DYNC1H1: variants seen among roughly 807,000 people sequenced by gnomAD.
DYNC1H1 encodes the protein cytoplasmic dynein 1 heavy chain 1.
DYNC1H1 carries 51 observed loss-of-function variants against 527.1 expected under a neutral mutation model. That is an observed-to-expected ratio of 0.10 (90% CI 0.08 to 0.12). The LOEUF (loss-of-function observed/expected upper bound fraction) is 0.12, where lower values mean the gene tolerates loss of function less well. Ranked by LOEUF, DYNC1H1 falls within the 10% of genes least tolerant of loss-of-function variation. The probability of loss-of-function intolerance (pLI) is 1.00; values close to 1 mark genes in which losing one functional copy is unlikely to be tolerated. For missense variants in DYNC1H1, 2,771 were observed against 5,971.8 expected, an observed-to-expected ratio of 0.46 and a Z score of 17.66; for synonymous variants, 2,189 against 2,278.8, an observed-to-expected ratio of 0.96 and a Z score of 1.12.
In DYNC1H1 at chr14:101,982,883, T is replaced by C. The variant is rs532816025; in HGVS notation, c.962-136T>C. On this transcript the variant is annotated intron_variant, in intron 5 of 77. Transcript: ENST00000360184. ...GGGTTATCCTGTTAATAACGTGTTG[T>C]TTTTTCAAATATGAATAGTTTTTGT... 3 of 1,116,270 alleles carry C rather than the reference T, an allele frequency of 2.7e-6. No homozygotes were observed. In the African/African-American group the frequency reaches 4.7e-5, roughly 18 times the overall value. The allele number at this position is 1,116,270 out of a possible 1,614,324, so 69.1% of individuals were successfully genotyped here. A position where few individuals can be genotyped will look rare whatever the true frequency, so the allele number is the denominator to read the frequency against.
chr14:101,997,238 C>T lies in DYNC1H1; in HGVS notation c.3768C>T (p.Asp1256=). 1 of 1,614,098 alleles carries T rather than the reference C, an allele frequency of 6.2e-7. No homozygotes were observed. Among genetic ancestry groups the T allele is most frequent in the Non-Finnish European group, 8.5e-7 (1 of 1,180,012 alleles). ...GGGCCGTGGAAAGCCGCACCACCGA[C>T]CTGCTGACTGACTGGGAGAAGACCA... The part of the protein sequence containing the change: ...EDRAVESRTT[D]LLTDWEKTKP... Residue 1256 remains aspartate, a synonymous_variant, in exon 16 of 78, where the codon GAC becomes GAT. Coordinates refer to ENST00000360184, the MANE Select transcript of DYNC1H1 (RefSeq NM_001376.5). This position sits in a 1 kb window ranked among gnomAD's most constrained non-coding sequence, Gnocchi z 4.8.
chr14:102,041,533 CA>C lies in DYNC1H1; in HGVS notation c.11942-40del, dbSNP rs779104187. On this transcript the variant is annotated intron_variant, in intron 64 of 77. Coordinates refer to ENST00000360184, the MANE Select transcript of DYNC1H1 (RefSeq NM_001376.5). This position sits in a 1 kb window ranked among gnomAD's most constrained non-coding sequence, Gnocchi z 4.5. ...AGGCAGGGGAGGGCGTCTCTGAGTCCATGCTTCCACCCAGCACCCACCCCTC... is the reference window on the plus strand; with the variant it reads ...AGGCAGGGGAGGGCGTCTCTGAGTCCTGCTTCCACCCAGCACCCACCCCTC... The C allele has an allele frequency of 3.7e-6, 6 of 1,613,138 alleles. 1 individual carries two copies. The South Asian group carries it at 5.5e-5, about 15-fold the overall frequency.
At position 102,003,013 on chromosome 14, in the gene DYNC1H1, T is replaced by C. The variant is rs752289264; in HGVS notation, c.4883+48T>C. On this transcript the variant is annotated intron_variant, in intron 23 of 77. Transcript: ENST00000360184. The stretch of plus-strand genomic sequence containing the variant: ...GCCTGGAGTCAAGTTGAATTTCAGT[T>C]GTGCATTTTTCCAGTGATCTTCTTT... 4 of 1,611,842 alleles carry C rather than the reference T, an allele frequency of 2.5e-6. No homozygotes were observed. In the Admixed American group the frequency reaches 5.0e-5, roughly 20 times the overall value.
chr14:102,000,031 T>C lies in DYNC1H1; in HGVS notation c.3847T>C (p.Tyr1283His), dbSNP rs2141285009. The part of the protein sequence containing the change: ...PEEALQALTI[Y>H]EGKFGRLKDD... ...AGAGGCACTTCAGGCTCTCACCATA[T>C]ATGAGGGGAAGTTTGGTAGGCTGAA... The change falls in exon 17 of 78, where the codon TAT becomes CAT. Residue 1283 changes from tyrosine to histidine, a missense_variant. Around this residue, in one of 32 missense-constraint regions of DYNC1H1, gnomAD observed 223 missense variants for 462.5 expected, o/e 0.48. Transcript: ENST00000360184. 6.2e-7 allele frequency: 1 copy of C among 1,614,108 alleles called. No homozygotes were observed. The highest frequency in any genetic ancestry group is 8.5e-7 in the Non-Finnish European group (1 of 1,180,032).
intron 10 of DYNC1H1, among the ~76,000 whole-genome samples, chr14:101,989,913 C>T (rs1453855454): frequency 6.6e-6 from 1 of 152,160 alleles, no homozygotes; most frequent in Non-Finnish European, 1.5e-5. Flanking sequence ...TTTACTGTAC[C>T]TTTTCTATGC....
chr14:101,997,025 ACT>A lies in DYNC1H1; in HGVS notation c.3565-6_3565-5del. 6.2e-7 allele frequency: 1 copy of A among 1,612,098 alleles called. No homozygotes were observed. Among genetic ancestry groups the A allele is most frequent in the Non-Finnish European group, 8.5e-7 (1 of 1,179,064 alleles). ...AAGAAAAAACTTGATTTATTTTTTA[ACT>A]CTCAAAGCTCTACCGCAATGGCCAG... On this transcript the variant is annotated splice_polypyrimidine_tract_variant and splice_region_variant and intron_variant, in intron 15 of 77. Coordinates refer to ENST00000360184, the MANE Select transcript of DYNC1H1 (RefSeq NM_001376.5). The surrounding 1 kb of genome is among the most constrained non-coding windows in gnomAD (Gnocchi z 4.8).
At position 102,015,550 on chromosome 14, in the gene DYNC1H1, A is replaced by C. The variant is rs2048310444; in HGVS notation, c.7242+218A>C. Among the ~76,000 whole-genome samples the C allele has an allele frequency of 2.0e-5, 3 of 152,252 alleles. No homozygotes were observed. The South Asian group carries it at 6.2e-4, about 31-fold the overall frequency. On this transcript the variant is annotated intron_variant, in intron 35 of 77. Coordinates refer to ENST00000360184, the MANE Select transcript of DYNC1H1 (RefSeq NM_001376.5). This position sits in a 1 kb window ranked among gnomAD's most constrained non-coding sequence, Gnocchi z 6.9. ...TCTGCCAGCTTAAACAAGGAAGCCC[A>C]GCTGTAGCAGCTACAAATGTTAAAA...
intron 72 of DYNC1H1, 166 bp from the exon 73 acceptor site, chr14:102,047,651 A>ATATATATATATATGTACACAC: frequency 2.0e-6 from 1 of 493,038 alleles, no homozygotes; most frequent in South Asian, 2.1e-5. Context: ...GTATATATAT[A>ATATATATATATATGTACACAC]TATATATATA....
At chr14:102,048,879 CTGAA>C (rs1054056403) in intron 74 of DYNC1H1, 32 of 678,164 alleles carry the variant, frequency 4.7e-5, no homozygotes, top group Admixed American at 8.9e-5. Flanking sequence ...TGCTGGTTCA[CTGAA>C]TGTTGACCAA....
chr14:102,040,719 G>C, intron 64 of DYNC1H1, 46 bp downstream of exon 64: 2 of 1,609,750 alleles, frequency 1.2e-6, no homozygotes, highest in Non-Finnish European at 1.7e-6. Context: ...TGTAAAGTTG[G>C]GTTTTGCTGC....
In DYNC1H1 at chr14:102,039,576, C is replaced by G; in HGVS notation, c.11595+30C>G. On this transcript the variant is annotated intron_variant, in intron 61 of 77. Coordinates refer to ENST00000360184, the MANE Select transcript of DYNC1H1 (RefSeq NM_001376.5). This position sits in a 1 kb window ranked among gnomAD's most constrained non-coding sequence, Gnocchi z 7.0. ...AGTGAGGTCCTCAGCCGCTCCCTGG[C>G]GGGGGGGAAGCAGGGTGCTGCTTCT... is the stretch of plus-strand genomic sequence containing the variant. 1 of 1,614,106 alleles carries G rather than the reference C, an allele frequency of 6.2e-7. No individual in the cohort carries two copies. Among genetic ancestry groups the G allele is most frequent in the South Asian group, 1.1e-5 (1 of 91,078 alleles).
At position 102,036,834 on chromosome 14, in the gene DYNC1H1, G is replaced by A. The variant is rs2048581154; in HGVS notation, c.10908+192G>A. 1.4e-6 allele frequency: 1 copy of A among 718,608 alleles called. No individual in the cohort carries two copies. The highest frequency in any genetic ancestry group is 2.3e-5 in the Admixed American group (1 of 43,344). 44.5% of individuals were successfully genotyped at this position (718,608 alleles called of 1,614,324 possible). A position where few individuals can be genotyped will look rare whatever the true frequency, so the allele number is the denominator to read the frequency against. On this transcript the variant is annotated intron_variant, in intron 57 of 77. Transcript: ENST00000360184. This position sits in a 1 kb window ranked among gnomAD's most constrained non-coding sequence, Gnocchi z 5.6. ...AAAATTCTATTCAGTGGTCGGGCGA[G>A]GTGGCTCACACCTGTAATCTCAGCA...
At chr14:101,988,979 G>T in intron 10 of DYNC1H1, 127 bp downstream of exon 10, 4 of 1,315,132 alleles carry the variant, frequency 3.0e-6, no homozygotes, top group Non-Finnish European at 4.2e-6. Flanking sequence ...AGGTGATGAA[G>T]GTCAGCCTCA....
At chr14:101,991,091 G>A (rs2047993197) in intron 10 of DYNC1H1, among the ~76,000 whole-genome samples, 1 of 152,022 alleles carries the variant, frequency 6.6e-6, no homozygotes. Context: ...GCTGAGGCGG[G>A]AGGATTGCCT....
chr14:101,982,243 A>G (rs1181407396), intron 5 of DYNC1H1, among the ~76,000 whole-genome samples: 1 of 152,176 alleles, frequency 6.6e-6, no homozygotes, highest in Non-Finnish European at 1.5e-5. Flanking sequence ...TCCTAGTTGC[A>G]GGAAAACAAG....
rs372387597 is a variant in DYNC1H1, at chr14:101,981,843, C to T, written c.962-1176C>T. Among the ~76,000 whole-genome samples the T allele has an allele frequency of 4.1e-4, 63 of 152,196 alleles. No homozygotes were observed. In the South Asian group the frequency reaches 0.013, roughly 31 times the overall value. ...TCCAAGCACTTTCGTGATTCCATGTCCTTAGTTAGTAATATGTTCACCTAA... is the reference window on the plus strand; with the variant it reads ...TCCAAGCACTTTCGTGATTCCATGTTCTTAGTTAGTAATATGTTCACCTAA... On this transcript the variant is annotated intron_variant, in intron 5 of 77. Transcript: ENST00000360184.
Position 102,016,561 on chromosome 14 carries a change from C to G in DYNC1H1, c.7614+72C>G. On this transcript the variant is annotated intron_variant, in intron 37 of 77. Transcript: ENST00000360184. The surrounding 1 kb of genome is among the most constrained non-coding windows in gnomAD (Gnocchi z 7.3). ...TTTAACTCATCCTGGAACAAGCTGA[C>G]CATGGACCTTGGCTTCGTCTTTTCA... The G allele has an allele frequency of 6.2e-7, 1 of 1,612,248 alleles. No homozygotes were observed. Among genetic ancestry groups the G allele is most frequent in the Non-Finnish European group, 8.5e-7 (1 of 1,178,532 alleles).
chr14:102,038,971 T>G lies in DYNC1H1; in HGVS notation c.11207-30T>G. 1 of 1,614,028 alleles carries G rather than the reference T, an allele frequency of 6.2e-7. No individual in the cohort carries two copies. The highest frequency in any genetic ancestry group is 8.5e-7 in the Non-Finnish European group (1 of 1,180,042). On this transcript the variant is annotated intron_variant, in intron 59 of 77. Coordinates refer to ENST00000360184, the MANE Select transcript of DYNC1H1 (RefSeq NM_001376.5). This position sits in a 1 kb window ranked among gnomAD's most constrained non-coding sequence, Gnocchi z 7.2. Reference sequence around the variant, plus strand: ...GAGAGCATACCTTTTGAAGGATTATTGCAAACTCTGGATGTTTTATTCATT... The same window carrying G: ...GAGAGCATACCTTTTGAAGGATTATGGCAAACTCTGGATGTTTTATTCATT...
At chr14:102,008,015 C>G (rs577032556) in intron 28 of DYNC1H1, among the ~76,000 whole-genome samples, 163 bp from the exon 29 acceptor site, 2 of 152,320 alleles carry the variant, frequency 1.3e-5, no homozygotes, top group African/African-American at 2.4e-5. Context: ...CGGCCCCAAC[C>G]CTTATGGCCT....
Sources: allele counts gnomAD v4.1 joint callset (sites outside exome capture counted in the v4.1 genomes callset), GRCh38; gene constraint gnomAD v4.1.1; regional missense constraint gnomAD v4.1.1; non-coding constraint Gnocchi (gnomAD v3.1); transcripts MANE v1.5; gene names NCBI Gene and HGNC (gene_info 2026-07-23, HGNC 2026-07-21).